The following BIVM variants were observed in gnomAD, a reference collection of about 807,000 sequenced individuals.
BIVM encodes basic, immunoglobulin-like variable motif containing.
In BIVM, 31 loss-of-function variants were observed where a neutral mutation model predicts 61.4. The ratio of observed to expected loss-of-function variants is 0.51; its 90% confidence interval spans 0.38 to 0.68. The LOEUF (loss-of-function observed/expected upper bound fraction) is 0.68. BIVM is among the 30% of genes least tolerant of loss of function. The pLI is 0.00. For missense variants in BIVM, 526 were observed against 596.0 expected (o/e 0.88, Z 1.22); for synonymous variants, 189 against 210.7 (o/e 0.90, Z 0.89).
chr13:102,826,751 T>C (rs1233460359), intron 7 of BIVM, among the ~76,000 whole-genome samples: 2 of 152,178 alleles, frequency 1.3e-5, no homozygotes, highest in Non-Finnish European at 2.9e-5. Context: ...GAGGACTTCA[T>C]TTGAGTAGTT....
Position 102,824,977 on chromosome 13 carries a change from C to G in BIVM, c.901+2818C>G, listed in dbSNP as rs1027777167. On this transcript the variant is annotated intron_variant, in intron 7 of 10. Transcript: ENST00000257336. Reference sequence around the variant, plus strand: ...TTTTTTTTTGAGACGGAGTCTCGCTCTGTTGCCCAGGCTGGAGTTCAGTGG... The same window carrying G: ...TTTTTTTTTGAGACGGAGTCTCGCTGTGTTGCCCAGGCTGGAGTTCAGTGG... Among the ~76,000 whole-genome samples, 65 of 151,340 alleles carry G rather than the reference C, an allele frequency of 4.3e-4. 1 individual carries two copies. The highest frequency in any genetic ancestry group is 1.6e-3 in the African/African-American group (65 of 41,234).
At chr13:102,815,770 T>C (rs912043886) in intron 3 of BIVM, among the ~76,000 whole-genome samples, 1 of 152,240 alleles carries the variant, frequency 6.6e-6, no homozygotes, top group Non-Finnish European at 1.5e-5. Flanking sequence ...TGTGTGTGCA[T>C]GTATGAGTGT....
intron 2 of BIVM, among the ~76,000 whole-genome samples, chr13:102,806,042 G>T (rs1307307086): frequency 6.6e-6 from 1 of 152,154 alleles, no homozygotes; most frequent in African/African-American, 2.4e-5. Context: ...TGGTAACTCT[G>T]TTTAATTGTT....
chr13:102,820,224 C>T (rs545101726), intron 4 of BIVM, among the ~76,000 whole-genome samples: 3 of 151,822 alleles, frequency 2.0e-5, no homozygotes, highest in South Asian at 4.2e-4. Context: ...TGGTGGCGCA[C>T]GCCTGTCGTC....
chr13:102,805,839 A>C (rs1199094916), intron 2 of BIVM, among the ~76,000 whole-genome samples: 1 of 152,142 alleles, frequency 6.6e-6, no homozygotes, highest in Non-Finnish European at 1.5e-5. Context: ...TCAGTACTTC[A>C]TTTCTTTTTA....
At chr13:102,810,140 AG>A (rs1879401035) in intron 3 of BIVM, among the ~76,000 whole-genome samples, 1 of 152,122 alleles carries the variant, frequency 6.6e-6, no homozygotes, top group South Asian at 2.1e-4. Flanking sequence ...TTCTCCTCAC[AG>A]TCCCTGGAAA....
intron 9 of BIVM, among the ~76,000 whole-genome samples, chr13:102,836,147 A>C (rs545089453): frequency 1.6e-4 from 25 of 152,246 alleles, no homozygotes; most frequent in Non-Finnish European, 2.6e-4. Context: ...CTTCTGATGA[A>C]CAGAAGTTCT....
At chr13:102,824,274 C>G (rs1339980411) in intron 7 of BIVM, among the ~76,000 whole-genome samples, 1 of 152,114 alleles carries the variant, frequency 6.6e-6, no homozygotes, top group Admixed American at 6.6e-5. Flanking sequence ...AGTTCCTGCC[C>G]CTCTCTCAGG....
At chr13:102,810,609 C>T (rs1879431686) in intron 3 of BIVM, among the ~76,000 whole-genome samples, 1 of 152,198 alleles carries the variant, frequency 6.6e-6, no homozygotes. Flanking sequence ...TATCAAATTA[C>T]AAATTTATAT....
In BIVM at chr13:102,839,790, G is replaced by T; in HGVS notation, c.1437G>T (p.Trp479Cys). The T allele has an allele frequency of 1.9e-6, 3 of 1,614,148 alleles. No individual in the cohort carries two copies. The highest frequency in any genetic ancestry group is 1.7e-6 in the Non-Finnish European group (2 of 1,180,028). ...CTAGTTTCCATCAGGACTCGGCATG[G>T]AAAAAGATGTCTAGTATCCATGAGA... is the stretch of plus-strand genomic sequence containing the variant. ...FSASFHQDSA[W>C]KKMSSIHERR... The change falls in exon 11 of 11, where the codon TGG becomes TGT. Residue 479 changes from tryptophan (W) to cysteine (C), a missense_variant. Transcript: ENST00000257336.
At chr13:102,838,587 C>A in intron 9 of BIVM, 56 bp from the exon 10 acceptor site, 1 of 1,441,928 alleles carries the variant, frequency 6.9e-7, no homozygotes, top group South Asian at 1.4e-5. Flanking sequence ...AATTCCATTG[C>A]AATGATACTT....
intron 1 of BIVM, among the ~76,000 whole-genome samples, 163 bp downstream of exon 1, chr13:102,799,684 G>A (rs1007442124): frequency 3.3e-5 from 5 of 152,230 alleles, no homozygotes; most frequent in African/African-American, 9.6e-5. Context: ...ACCGGCCTGG[G>A]CTGCCAGGGG....
intron 9 of BIVM, among the ~76,000 whole-genome samples, chr13:102,837,211 G>A (rs1595367134): frequency 6.6e-6 from 1 of 152,110 alleles, no homozygotes. Flanking sequence ...CTGGGAGGTC[G>A]AGGCTGCAGT....
At chr13:102,830,093 A>G (rs754674507) in intron 7 of BIVM, among the ~76,000 whole-genome samples, 5 of 152,058 alleles carry the variant, frequency 3.3e-5, no homozygotes, top group Non-Finnish European at 7.4e-5. Flanking sequence ...CTGACACTTC[A>G]TTAAGTTTCA....
At chr13:102,801,430 T>C (rs1878752964) in intron 1 of BIVM, 1 of 152,124 alleles carries the variant, frequency 6.6e-6, no homozygotes, top group South Asian at 2.1e-4. Flanking sequence ...TTTTATTTTT[T>C]TTTAGTAGAA....
intron 1 of BIVM, among the ~76,000 whole-genome samples, chr13:102,803,458 C>T (rs1477747685): frequency 1.3e-5 from 2 of 152,058 alleles, no homozygotes; most frequent in Admixed American, 6.5e-5. Flanking sequence ...AGCTGAGATC[C>T]GGCCATTGCA....
chr13:102,834,415 A>G (rs370503834), intron 8 of BIVM, 51 bp from the exon 9 acceptor site: 5 of 1,509,438 alleles, frequency 3.3e-6, no homozygotes, highest in Non-Finnish European at 2.7e-6. Context: ...TTGAAGCAAT[A>G]TACTCAAGGG....
rs1389988495 is a variant in BIVM, at chr13:102,805,116, T to C, written c.-206-191T>C. On this transcript the variant is annotated intron_variant, in intron 1 of 10. Transcript: ENST00000257336. ...GTCCAACTGATCACCCAGGGTGGACTGAATCTCTCAACTGATGCTCTGTTG... is the reference window on the plus strand; with the variant it reads ...GTCCAACTGATCACCCAGGGTGGACCGAATCTCTCAACTGATGCTCTGTTG... Among the ~76,000 whole-genome samples, 3 of 152,346 alleles carry C rather than the reference T, an allele frequency of 2.0e-5. No homozygotes were observed. In the East Asian group the frequency reaches 5.8e-4, roughly 29 times the overall value.
intron 2 of BIVM, among the ~76,000 whole-genome samples, chr13:102,806,584 A>G (rs1330800712): frequency 6.6e-6 from 1 of 152,186 alleles, no homozygotes; most frequent in Non-Finnish European, 1.5e-5. Context: ...TGGAGAAGAC[A>G]CTATTCAGAT....
Sources: gnomAD v4.1 joint callset for allele counts (sites outside exome capture counted in the v4.1 genomes callset) on GRCh38, gnomAD v4.1.1 for gene constraint, MANE v1.5 for transcripts, NCBI Gene and HGNC (gene_info 2026-07-23, HGNC 2026-07-21) for gene names.